Variants in SENP7 observed in about 807,000 individuals in gnomAD.
SENP7 encodes sentrin-specific protease 7.
SENP7 carries 64 observed loss-of-function variants against 141.2 expected under a neutral mutation model. That is an observed-to-expected ratio of 0.45 (90% CI 0.37 to 0.56). The LOEUF is 0.56. Among genes scored for constraint, SENP7 ranks in the 20% least tolerant of loss-of-function variants. SENP7 has a pLI of 0.00. For synonymous variants in SENP7, 382 were observed against 426.4 expected (o/e 0.90, Z 1.28); for missense variants, 1,025 against 1,212.2 (o/e 0.85, Z 2.29).
At chr3:101,454,890 G>A (rs1302080528) in intron 4 of SENP7, among the ~76,000 whole-genome samples, 2 of 152,046 alleles carry the variant, frequency 1.3e-5, no homozygotes, top group African/African-American at 2.4e-5. Flanking sequence ...GAGCATGATG[G>A]GATGTTCTAA....
chr3:101,333,057 C>G, intron 17 of SENP7, 195 bp from the exon 18 acceptor site: 1 of 537,612 alleles, frequency 1.9e-6, no homozygotes, highest in Non-Finnish European at 3.0e-6. Context: ...TAACTATAAA[C>G]AATAATGAAA....
intron 6 of SENP7, among the ~76,000 whole-genome samples, chr3:101,389,064 GA>G (rs1436287893): frequency 6.6e-6 from 1 of 152,158 alleles, no homozygotes; most frequent in East Asian, 1.9e-4. Flanking sequence ...CAAAGGGATA[GA>G]AAACATACTT....
chr3:101,438,828 C>T (rs917424007), intron 4 of SENP7, among the ~76,000 whole-genome samples: 8 of 152,166 alleles, frequency 5.3e-5, no homozygotes, highest in East Asian at 1.9e-4. Flanking sequence ...GCCGCCGCGC[C>T]GGCGAGCGCC....
Position 101,327,786 on chromosome 3 carries a change from T to C in SENP7, c.2895A>G (p.Leu965=), listed in dbSNP as rs1446853446. Residue 965 remains leucine (L), a synonymous_variant, in exon 23 of 24, where the codon CTA becomes CTG. Coordinates refer to ENST00000394095, the MANE Select transcript of SENP7 (RefSeq NM_020654.5). Reference sequence around the variant, plus strand: ...TTTTGCTGAATTGACGATGAGTTTTTAGTTTAACTTCCCACTCTACCTCTA... The same window carrying C: ...TTTTGCTGAATTGACGATGAGTTTTCAGTTTAACTTCCCACTCTACCTCTA... ...EYLEVEWEVK[L]KTHRQFSKTN... is the part of the protein sequence containing the mutation. 2.5e-6 allele frequency: 4 copies of C among 1,610,224 alleles called. No homozygotes were observed. The highest frequency in any genetic ancestry group is 3.4e-6 in the Non-Finnish European group (4 of 1,177,634).
At chr3:101,353,615 A>G (rs574742904) in intron 11 of SENP7, among the ~76,000 whole-genome samples, 2 of 152,132 alleles carry the variant, frequency 1.3e-5, no homozygotes, top group South Asian at 2.1e-4. Context: ...TAATAATAAG[A>G]GCTATTTTAT....
intron 6 of SENP7, among the ~76,000 whole-genome samples, chr3:101,377,684 G>A (rs2060375199): frequency 6.6e-6 from 1 of 152,150 alleles, no homozygotes; most frequent in Non-Finnish European, 1.5e-5. Flanking sequence ...TTATTTTTTA[G>A]AGCCTAATCA....
At chr3:101,486,387 C>T (rs2064731265) in intron 3 of SENP7, among the ~76,000 whole-genome samples, 1 of 152,158 alleles carries the variant, frequency 6.6e-6, no homozygotes, top group East Asian at 1.9e-4. Context: ...TAAGGAAAAC[C>T]TATCAGATTA....
At chr3:101,477,098 G>A (rs1001875442) in intron 3 of SENP7, among the ~76,000 whole-genome samples, 1 of 152,126 alleles carries the variant, frequency 6.6e-6, no homozygotes, top group Non-Finnish European at 1.5e-5. Context: ...AAGCTCTTCA[G>A]TTTAATTAGA....
In SENP7 at chr3:101,340,121, A is replaced by G; in HGVS notation, c.2331T>C (p.Asn777=). ...TAAGGTAAAAATCAATGATTACATC[A>G]TTAAGAAACTCTCCTTCTTCTAAAC... The part of the protein sequence containing the change: ...LECLEEGEFL[N]DVIIDFYLKY... The change falls in exon 16 of 24, where the codon AAT becomes AAC. Residue 777 remains asparagine, a synonymous_variant. Transcript: ENST00000394095. 1.3e-6 allele frequency: 2 copies of G among 1,594,648 alleles called. No homozygotes were observed. The highest frequency in any genetic ancestry group is 1.7e-6 in the Non-Finnish European group (2 of 1,173,882).
intron 2 of SENP7, among the ~76,000 whole-genome samples, chr3:101,499,125 T>A (rs1435194833): frequency 6.6e-6 from 1 of 152,160 alleles, no homozygotes; most frequent in Non-Finnish European, 1.5e-5. Flanking sequence ...AACTTTTCTG[T>A]AAGTCTCAAC....
At chr3:101,443,051 G>T (rs532687978) in intron 4 of SENP7, among the ~76,000 whole-genome samples, 6 of 152,132 alleles carry the variant, frequency 3.9e-5, no homozygotes, top group African/African-American at 7.2e-5. Flanking sequence ...TGGTAATGCC[G>T]AGGTTTTCTT....
At chr3:101,436,444 C>G (rs1300045152) in intron 4 of SENP7, among the ~76,000 whole-genome samples, 1 of 152,092 alleles carries the variant, frequency 6.6e-6, no homozygotes, top group African/African-American at 2.4e-5. Context: ...AGTTAAAAAG[C>G]TTCTGTACAT....
chr3:101,329,164 T>G (rs2107190008), intron 20 of SENP7, among the ~76,000 whole-genome samples: 1 of 152,320 alleles, frequency 6.6e-6, no homozygotes, highest in Admixed American at 6.5e-5. Context: ...CAGATCAAAC[T>G]TAAGCACATT....
At chr3:101,430,763 T>C (rs2062135816) in intron 4 of SENP7, among the ~76,000 whole-genome samples, 3 of 152,340 alleles carry the variant, frequency 2.0e-5, no homozygotes, top group African/African-American at 7.2e-5. Context: ...GTAGTTCTTT[T>C]AATTTTGATG....
At chr3:101,327,618 C>T (rs763499618) in intron 23 of SENP7, 48 bp downstream of exon 23, 60 of 1,453,826 alleles carry the variant, frequency 4.1e-5, no homozygotes, top group East Asian at 2.9e-4. Context: ...AACTTGTGAC[C>T]GTATGGTGGT....
intron 7 of SENP7, among the ~76,000 whole-genome samples, chr3:101,369,720 A>G (rs1182877891): frequency 1.3e-5 from 2 of 152,192 alleles, no homozygotes; most frequent in East Asian, 3.8e-4. Context: ...AAACTTGATT[A>G]TACAGGAGTT....
intron 11 of SENP7, chr3:101,358,342 C>A: frequency 2.9e-6 from 2 of 691,128 alleles, no homozygotes; most frequent in Non-Finnish European, 4.7e-6. Context: ...AGGAAACCTA[C>A]AGAGTCAATA....
chr3:101,453,601 T>C (rs1256399054), intron 4 of SENP7, among the ~76,000 whole-genome samples: 8 of 151,048 alleles, frequency 5.3e-5, no homozygotes, highest in Admixed American at 2.0e-4. Context: ...TCATTCTCAG[T>C]AAACTATCGC....
chr3:101,330,030 A>G (rs1337061133), intron 20 of SENP7, among the ~76,000 whole-genome samples: 5 of 152,068 alleles, frequency 3.3e-5, no homozygotes, highest in Non-Finnish European at 4.4e-5. Context: ...TAATTACCTA[A>G]GTTCAAAAAG....
Sources: allele counts gnomAD v4.1 joint callset (sites outside exome capture counted in the v4.1 genomes callset), GRCh38; gene constraint gnomAD v4.1.1; transcripts MANE v1.5; gene names NCBI Gene and HGNC (gene_info 2026-07-23, HGNC 2026-07-21).